FER: variants seen among roughly 807,000 people sequenced by gnomAD.
The protein encoded by FER is tyrosine-protein kinase Fer.
Under a neutral mutation model 111.0 loss-of-function variants are expected in FER, and 63 were observed. The ratio of observed to expected loss-of-function variants is 0.57; its 90% CI spans 0.46 to 0.70. The LOEUF is 0.70. Among genes scored for constraint, FER ranks in the 30% least tolerant of loss-of-function variants. FER has a pLI of 0.00. For synonymous variants in FER, 327 were observed against 313.9 expected, an observed-to-expected ratio of 1.04 and a Z score of -0.44; for missense variants, 914 against 954.0, an observed-to-expected ratio of 0.96 and a Z score of 0.55.
At chr5:109,037,840 C>G (rs1770612789) in intron 14 of FER, among the ~76,000 whole-genome samples, 1 of 151,842 alleles carries the variant, frequency 6.6e-6, no homozygotes, top group Admixed American at 6.6e-5. Context: ...TAGTCTTGTT[C>G]TTTTTGTTTC....
At chr5:108,924,529 G>C in intron 10 of FER, 1 of 1,058,982 alleles carries the variant, frequency 9.4e-7, no homozygotes. Flanking sequence ...ATGCCAACAG[G>C]GGGAGATAGT....
chr5:109,107,713 C>G (rs986742054), intron 17 of FER, among the ~76,000 whole-genome samples: 1 of 152,034 alleles, frequency 6.6e-6, no homozygotes, highest in African/African-American at 2.4e-5. Flanking sequence ...CAGTCAGGGA[C>G]CAAGGCAGGA....
chr5:108,762,644 C>G (rs373802189), intron 1 of FER, among the ~76,000 whole-genome samples: 9 of 152,202 alleles, frequency 5.9e-5, no homozygotes, highest in South Asian at 2.1e-4. Context: ...TTTCTCTGAA[C>G]TAGTTCTTCT....
At chr5:109,067,304 A>G (rs1775224091) in intron 16 of FER, among the ~76,000 whole-genome samples, 1 of 147,884 alleles carries the variant, frequency 6.8e-6, no homozygotes, top group South Asian at 2.1e-4. Context: ...TTCAGAGATT[A>G]CATAGGGGAC....
intron 17 of FER, among the ~76,000 whole-genome samples, chr5:109,118,344 C>A (rs1486347882): frequency 6.6e-6 from 1 of 152,130 alleles, no homozygotes; most frequent in Non-Finnish European, 1.5e-5. Flanking sequence ...CCTTGCATCC[C>A]AGGGATGAAG....
intron 17 of FER, among the ~76,000 whole-genome samples, chr5:109,121,744 C>T (rs796957524): frequency 2.7e-4 from 41 of 151,922 alleles, no homozygotes; most frequent in African/African-American, 8.9e-4. Context: ...CTTTGCTGGG[C>T]GATTTTTTAT....
chr5:108,819,179 CT>C (rs775764459), intron 3 of FER, among the ~76,000 whole-genome samples: 203 of 127,202 alleles, frequency 1.6e-3, no homozygotes, highest in Middle Eastern at 4.1e-3. Flanking sequence ...CCATGCTCAG[CT>C]TTTTTTTTTT....
At chr5:108,866,700 T>C (rs1473452546) in intron 5 of FER, among the ~76,000 whole-genome samples, 1 of 151,966 alleles carries the variant, frequency 6.6e-6, no homozygotes, top group Non-Finnish European at 1.5e-5. Context: ...AAAAAAGATC[T>C]GTTTCTGGGG....
chr5:108,916,102 G>A (rs1034768269), intron 10 of FER, among the ~76,000 whole-genome samples: 1 of 151,886 alleles, frequency 6.6e-6, no homozygotes, highest in East Asian at 1.9e-4. Context: ...ATAGACAAAA[G>A]GCATTGATTA....
intron 17 of FER, among the ~76,000 whole-genome samples, chr5:109,151,853 A>G (rs1158786128): frequency 6.6e-6 from 1 of 152,154 alleles, no homozygotes; most frequent in African/African-American, 2.4e-5. Flanking sequence ...ATTCTGTCTC[A>G]TAACTCGCAA....
chr5:108,807,137 C>T (rs1298410314), intron 3 of FER, among the ~76,000 whole-genome samples: 1 of 152,108 alleles, frequency 6.6e-6, no homozygotes, highest in Non-Finnish European at 1.5e-5. Flanking sequence ...GCTTTAAAAA[C>T]GGGAATTTTC....
At chr5:108,784,328 A>G (rs17161505) in intron 2 of FER, 36,797 of 152,934 alleles carry the variant, frequency 0.24, 4,734 homozygotes, top group African/African-American at 0.32. Context: ...TGGTCACATT[A>G]CCCTCTCAAG....
chr5:108,951,697 A>G (rs577709482), intron 11 of FER, among the ~76,000 whole-genome samples: 4 of 152,276 alleles, frequency 2.6e-5, no homozygotes, highest in South Asian at 2.1e-4. Flanking sequence ...TTTTACTTGT[A>G]TATTTTTGAT....
chr5:109,087,780 A>G (rs1490954439), intron 16 of FER, among the ~76,000 whole-genome samples: 2 of 151,728 alleles, frequency 1.3e-5, no homozygotes, highest in Non-Finnish European at 3.0e-5. Context: ...ATTTCATGCA[A>G]CATGTTGTAT....
At chr5:109,107,742 T>C (rs1231037465) in intron 17 of FER, among the ~76,000 whole-genome samples, 1 of 152,144 alleles carries the variant, frequency 6.6e-6, no homozygotes, top group African/African-American at 2.4e-5. Flanking sequence ...TGTCTTTCCC[T>C]GTGTGTTCAT....
At chr5:109,058,194 A>G (rs1773888012) in intron 16 of FER, among the ~76,000 whole-genome samples, 1 of 152,296 alleles carries the variant, frequency 6.6e-6, no homozygotes, top group East Asian at 1.9e-4. Context: ...CAGGAATAGA[A>G]AACTTCCTCA....
rs181031408 is a variant in FER at position 109,062,300 on chromosome 5, G to A, written c.1924+15102G>A. Reference sequence around the variant, plus strand: ...CACTTTGGGCAGCCAAGGTGGGGTCGATCACTCGAGGCCGGGAGTTCAAGA... The same window carrying A: ...CACTTTGGGCAGCCAAGGTGGGGTCAATCACTCGAGGCCGGGAGTTCAAGA... On this transcript the variant is annotated intron_variant, in intron 16 of 19. Coordinates refer to ENST00000281092, the MANE Select transcript of FER (RefSeq NM_005246.4). Among the ~76,000 whole-genome samples, 90 of 152,142 alleles carry A rather than the reference G, an allele frequency of 5.9e-4. No individual in the cohort carries two copies. The East Asian group carries it at 0.012, about 21-fold the overall frequency.
At chr5:108,925,123 A>G (rs1242609726) in intron 10 of FER, among the ~76,000 whole-genome samples, 1 of 150,952 alleles carries the variant, frequency 6.6e-6, no homozygotes, top group Admixed American at 6.6e-5. Flanking sequence ...TGAATATTTG[A>G]GGAGAAACAT....
At chr5:108,960,718 T>G (rs1433836441) in intron 13 of FER, among the ~76,000 whole-genome samples, 1 of 152,168 alleles carries the variant, frequency 6.6e-6, no homozygotes, top group East Asian at 1.9e-4. Flanking sequence ...AGATTTCTAT[T>G]TTCCAAAACT....
Sources: gnomAD v4.1 joint callset for allele counts (sites outside exome capture counted in the v4.1 genomes callset) on GRCh38, gnomAD v4.1.1 for gene constraint, MANE v1.5 for transcripts, NCBI Gene and HGNC (gene_info 2026-07-23, HGNC 2026-07-21) for gene names.